Variants in PREX2 observed in about 807,000 individuals in gnomAD.
The protein encoded by PREX2 is phosphatidylinositol-3,4,5-trisphosphate dependent Rac exchange factor 2.
PREX2 carries 107 observed loss-of-function variants against 203.2 expected under a neutral mutation model. That is an observed-to-expected ratio of 0.53 (90% CI 0.45 to 0.62). PREX2 has a LOEUF of 0.62. Among genes scored for constraint, PREX2 ranks in the 20% least tolerant of loss-of-function variants. The pLI is 0.00. For missense variants in PREX2, 1,777 were observed against 1,955.9 expected, an observed-to-expected ratio of 0.91 and a Z score of 1.72; for synonymous variants, 672 against 663.6, an observed-to-expected ratio of 1.01 and a Z score of -0.19.
chr8:68,215,702 ATT>A (rs11334757), intron 37 of PREX2, among the ~76,000 whole-genome samples: 1 of 150,358 alleles, frequency 6.7e-6, no homozygotes, highest in Non-Finnish European at 1.5e-5. Flanking sequence ...CACCTGGCTG[ATT>A]TTTTTTTTAT....
intron 35 of PREX2, among the ~76,000 whole-genome samples, chr8:68,188,239 G>A (rs531681462): frequency 1.3e-5 from 2 of 152,276 alleles, no homozygotes; most frequent in Admixed American, 6.5e-5. Flanking sequence ...GCTTACAAAT[G>A]TGTGATCCTG....
chr8:68,013,576 T>C (rs1807327794), intron 1 of PREX2, among the ~76,000 whole-genome samples: 1 of 152,210 alleles, frequency 6.6e-6, no homozygotes, highest in Non-Finnish European at 1.5e-5. Flanking sequence ...ACTTCTTTCA[T>C]TTATTAGGAC....
intron 23 of PREX2, chr8:68,105,592 A>T: frequency 1.4e-5 from 15 of 1,090,030 alleles, no homozygotes; most frequent in Non-Finnish European, 1.7e-5. Context: ...ATTTCTAACT[A>T]TCTGGCTTTT....
chr8:68,004,685 A>C (rs13275330), intron 1 of PREX2, among the ~76,000 whole-genome samples: 16,507 of 152,272 alleles, frequency 0.11, 941 homozygotes, highest in South Asian at 0.16. Context: ...ATCTCTAAAA[A>C]TATATAATGC....
intron 33 of PREX2, among the ~76,000 whole-genome samples, chr8:68,143,454 T>C (rs1243600960): frequency 6.6e-6 from 1 of 152,212 alleles, no homozygotes; most frequent in Non-Finnish European, 1.5e-5. Context: ...TTGCTTCCTG[T>C]ACAGCCTGCA....
chr8:68,105,819 A>T (rs1257883616), intron 23 of PREX2: 1 of 152,704 alleles, frequency 6.5e-6, no homozygotes, highest in Non-Finnish European at 1.4e-5. Flanking sequence ...TACTTTTTCT[A>T]TGTTCAGATA....
At chr8:68,076,760 C>A (rs965434339) in intron 14 of PREX2, among the ~76,000 whole-genome samples, 1 of 151,052 alleles carries the variant, frequency 6.6e-6, no homozygotes, top group African/African-American at 2.4e-5. Context: ...TACTTAAAGG[C>A]ATAAAATAGG....
Position 68,060,527 on chromosome 8 carries a change from C to T in PREX2, c.1239-152C>T, listed in dbSNP as rs147915333. The stretch of plus-strand genomic sequence containing the variant: ...TCAACTTAAATGGCTGTAGGCCTTA[C>T]ATATGTGAAAAAATAATCTGTTGAA... On this transcript the variant is annotated intron_variant, in intron 10 of 39. Coordinates refer to ENST00000288368, the MANE Select transcript of PREX2 (RefSeq NM_024870.4). 627 of 593,320 alleles carry T rather than the reference C, an allele frequency of 1.1e-3. 4 individuals are homozygous for T. In the African/African-American group the frequency reaches 0.011, roughly 10 times the overall value. 36.8% of individuals were successfully genotyped at this position (593,320 alleles called of 1,614,324 possible). A position where few individuals can be genotyped will look rare whatever the true frequency, so the allele number is the denominator to read the frequency against.
chr8:68,000,990 A>T (rs13271634), intron 1 of PREX2, among the ~76,000 whole-genome samples: 1 of 152,054 alleles, frequency 6.6e-6, no homozygotes, highest in Non-Finnish European at 1.5e-5. Flanking sequence ...CCAAAACTGT[A>T]GAAACCTTGG....
At chr8:68,007,170 ATATTT>A (rs1387766024) in intron 1 of PREX2, among the ~76,000 whole-genome samples, 1 of 152,194 alleles carries the variant, frequency 6.6e-6, no homozygotes, top group African/African-American at 2.4e-5. Flanking sequence ...ATGATATTTC[ATATTT>A]TATTTTTTCT....
At chr8:68,101,297 G>A in intron 23 of PREX2, 1 of 512,682 alleles carries the variant, frequency 2.0e-6, no homozygotes, top group East Asian at 5.5e-5. Context: ...TAAACTAAAT[G>A]AGTCAAGGGA....
chr8:68,021,946 A>C, intron 3 of PREX2, 90 bp from the exon 4 acceptor site: 1 of 690,746 alleles, frequency 1.4e-6, no homozygotes, highest in Non-Finnish European at 2.6e-6. Context: ...CGTAGTAAAC[A>C]CTCAGTGAAG....
chr8:68,102,386 A>G (rs1472619547), intron 23 of PREX2, among the ~76,000 whole-genome samples: 2 of 152,190 alleles, frequency 1.3e-5, no homozygotes, highest in Non-Finnish European at 2.9e-5. Context: ...GGCCATAAAC[A>G]TATTTAAAAT....
chr8:67,962,261 A>G (rs924742104), intron 1 of PREX2, among the ~76,000 whole-genome samples: 18 of 152,160 alleles, frequency 1.2e-4, no homozygotes, highest in African/African-American at 3.9e-4. Context: ...GTAATGCCTC[A>G]GCTTGGCCTT....
At chr8:67,978,702 G>A (rs1407027627) in intron 1 of PREX2, among the ~76,000 whole-genome samples, 1 of 151,944 alleles carries the variant, frequency 6.6e-6, no homozygotes, top group African/African-American at 2.4e-5. Context: ...CTTTTCTCTT[G>A]GGTGGTTTTT....
chr8:68,165,061 CTTT>C (rs34771971), intron 35 of PREX2, among the ~76,000 whole-genome samples: 2 of 146,756 alleles, frequency 1.4e-5, no homozygotes, highest in Admixed American at 6.8e-5. Context: ...TTACTTTTGC[CTTT>C]TTTTTTTTTG....
intron 34 of PREX2, among the ~76,000 whole-genome samples, chr8:68,151,274 G>T (rs1011751286): frequency 6.6e-6 from 1 of 151,934 alleles, no homozygotes. Context: ...AAAATTAGCT[G>T]GTTCTGGTGG....
Position 68,097,682 on chromosome 8 carries a change from CT to C in PREX2, c.2553+485del, listed in dbSNP as rs139621713. ...CACTATTTGGTATGCATACAACTTC[CT>C]TTTATTGATCCTTTTGGAGCACAGT... On this transcript the variant is annotated intron_variant, in intron 22 of 39. Coordinates refer to ENST00000288368, the MANE Select transcript of PREX2 (RefSeq NM_024870.4). 1.8e-4 allele frequency among the ~76,000 whole-genome samples: 27 copies of C among 152,266 alleles called. 1 individual carries two copies. In the East Asian group the frequency reaches 5.2e-3, roughly 29 times the overall value.
At chr8:68,067,000 T>G (rs1809034580) in intron 11 of PREX2, among the ~76,000 whole-genome samples, 1 of 152,142 alleles carries the variant, frequency 6.6e-6, no homozygotes, top group Non-Finnish European at 1.5e-5. Context: ...TCCTCCATTG[T>G]GTGTTCTTGG....
Sources: gnomAD v4.1 joint callset for allele counts (sites outside exome capture counted in the v4.1 genomes callset) on GRCh38, gnomAD v4.1.1 for gene constraint, MANE v1.5 for transcripts, NCBI Gene and HGNC (gene_info 2026-07-23, HGNC 2026-07-21) for gene names.